SFMBT2: variants seen among roughly 807,000 people sequenced by gnomAD.
SFMBT2 encodes scm-like with four MBT domains protein 2.
A neutral mutation model predicts 110.1 loss-of-function variants in SFMBT2; 38 were observed. That is an observed-to-expected ratio of 0.35 (90% CI 0.27 to 0.45). The LOEUF (loss-of-function observed/expected upper bound fraction) is 0.45. Among genes scored for constraint, SFMBT2 ranks in the 20% least tolerant of loss-of-function variants. The pLI is 1.00. For synonymous variants in SFMBT2, 425 were observed against 425.4 expected (o/e 1.00, Z 0.01); for missense variants, 1,011 against 1,094.9 (o/e 0.92, Z 1.08).
At chr10:7,324,326 T>A (rs527760497) in intron 4 of SFMBT2, among the ~76,000 whole-genome samples, 1 of 152,284 alleles carries the variant, frequency 6.6e-6, no homozygotes, top group East Asian at 1.9e-4. Context: ...AAAATAAAGG[T>A]TTGCTAAACA....
Position 7,172,141 on chromosome 10 carries a change from G to C in SFMBT2, c.2169C>G (p.Asp723Glu), listed in dbSNP as rs149003494. 6.4e-7 allele frequency: 1 copy of C among 1,561,038 alleles called. No individual in the cohort carries two copies. The highest frequency in any genetic ancestry group is 2.0e-5 in the Admixed American group (1 of 50,614). The change falls in exon 19 of 21, where the codon GAC (aspartate) becomes GAG (glutamate). Residue 723 changes from aspartate to glutamate, a missense_variant. Asp to Glu is a conservative substitution (Grantham distance 45, BLOSUM62 2). Around this residue, in one of 2 missense-constraint regions of SFMBT2, gnomAD observed 979 missense variants for 1,016.1 expected, o/e 0.96. Coordinates refer to ENST00000397167, the MANE Select transcript of SFMBT2 (RefSeq NM_001387889.1). The surrounding 1 kb of genome is among the most constrained non-coding windows in gnomAD (Gnocchi z 4.6). ...AGSGEESEEE[D>E]ADAMDDDTAS... ...CGGTGTCATCGTCCATGGCGTCAGCGTCCTCCTCTTCACTTTCCTGGGAAG... is the reference window on the plus strand; with the variant it reads ...CGGTGTCATCGTCCATGGCGTCAGCCTCCTCCTCTTCACTTTCCTGGGAAG...
intron 12 of SFMBT2, chr10:7,204,161 A>G (rs1476036540): frequency 8.9e-6 from 2 of 225,610 alleles, no homozygotes; most frequent in Non-Finnish European, 1.5e-5. Flanking sequence ...AGGATGGTTT[A>G]GGAAAAGGAG....
chr10:7,257,038 G>T (rs1044698345), intron 7 of SFMBT2, among the ~76,000 whole-genome samples: 2 of 142,922 alleles, frequency 1.4e-5, no homozygotes, highest in African/African-American at 2.6e-5. Flanking sequence ...GTTACAGTGA[G>T]CAGAGATCAC....
At chr10:7,215,437 G>T in intron 11 of SFMBT2, 1 of 545,324 alleles carries the variant, frequency 1.8e-6, no homozygotes, top group Non-Finnish European at 2.3e-6. Context: ...TCTTCCAAAT[G>T]TTTCCTATGG....
intron 1 of SFMBT2, among the ~76,000 whole-genome samples, chr10:7,396,745 T>A (rs1241416713): frequency 1.3e-5 from 2 of 151,872 alleles, no homozygotes; most frequent in African/African-American, 2.4e-5. Context: ...ATGTCCTTTG[T>A]AGGGACATGG....
intron 4 of SFMBT2, among the ~76,000 whole-genome samples, chr10:7,312,244 C>T (rs1045581749): frequency 6.6e-6 from 1 of 152,114 alleles, no homozygotes; most frequent in Non-Finnish European, 1.5e-5. Flanking sequence ...AAAAATTGCA[C>T]CACCCTAAGG....
chr10:7,263,986 G>A (rs988417186), intron 7 of SFMBT2: 5 of 222,584 alleles, frequency 2.2e-5, no homozygotes, highest in South Asian at 1.6e-4. Context: ...ACACTGACAG[G>A]TACATCATTG....
chr10:7,270,222 A>T (rs557044265), intron 7 of SFMBT2, among the ~76,000 whole-genome samples: 52 of 152,288 alleles, frequency 3.4e-4, no homozygotes, highest in African/African-American at 1.2e-3. Context: ...GTGGCCACAG[A>T]CCAAGCAAAG....
chr10:7,405,338 C>T (rs753901924), intron 1 of SFMBT2, among the ~76,000 whole-genome samples: 1 of 152,188 alleles, frequency 6.6e-6, no homozygotes, highest in Non-Finnish European at 1.5e-5. Flanking sequence ...TTCCTCATGG[C>T]TTGTATTCAA....
rs1230596140 is a variant in SFMBT2 at position 7,314,980 on chromosome 10, GAA to G, written c.437-29028_437-29027del. 4.9e-3 allele frequency among the ~76,000 whole-genome samples: 719 copies of G among 146,346 alleles called. 6 individuals are homozygous for G. The highest frequency in any genetic ancestry group is 0.017 in the African/African-American group (653 of 39,364). On this transcript the variant is annotated intron_variant, in intron 4 of 20. Coordinates refer to ENST00000397167, the MANE Select transcript of SFMBT2 (RefSeq NM_001387889.1). ...AAGAAAAGAGAGAGAGAGAGAGGGA[GAA>G]AGAGAAAGAAAGAAAGAAAAGAAAG...
chr10:7,219,128 G>C (rs1839639224), intron 11 of SFMBT2, among the ~76,000 whole-genome samples: 1 of 152,140 alleles, frequency 6.6e-6, no homozygotes, highest in Admixed American at 6.5e-5. Flanking sequence ...GTTAAATTTA[G>C]TCATTACAAA....
At chr10:7,185,259 G>A (rs529580277) in intron 16 of SFMBT2, among the ~76,000 whole-genome samples, 21 of 152,290 alleles carry the variant, frequency 1.4e-4, no homozygotes, top group African/African-American at 4.1e-4. Context: ...TGCTTAACGC[G>A]AAGTTCACCT....
chr10:7,360,278 G>A (rs1379191377), intron 4 of SFMBT2, among the ~76,000 whole-genome samples: 3 of 152,128 alleles, frequency 2.0e-5, no homozygotes, highest in Admixed American at 2.0e-4. Context: ...GACTAGCCTG[G>A]GCAACACAGG....
At chr10:7,169,390 G>A (rs1837802340) in intron 20 of SFMBT2, among the ~76,000 whole-genome samples, 1 of 152,160 alleles carries the variant, frequency 6.6e-6, no homozygotes. Context: ...CTCTTTGGGT[G>A]GCACTGGAGA....
intron 4 of SFMBT2, among the ~76,000 whole-genome samples, chr10:7,309,419 A>G (rs1358896751): frequency 3.3e-5 from 5 of 152,198 alleles, no homozygotes; most frequent in Non-Finnish European, 5.9e-5. Context: ...TCACCCGTGA[A>G]AAGTGAAGCT....
chr10:7,198,100 C>T (rs1838836210), intron 14 of SFMBT2: 3 of 985,404 alleles, frequency 3.0e-6, no homozygotes, highest in Non-Finnish European at 3.6e-6. Context: ...TCACCACACA[C>T]AGAAGCATGC....
At chr10:7,180,664 C>T (rs987704565) in intron 16 of SFMBT2, among the ~76,000 whole-genome samples, 3 of 152,188 alleles carry the variant, frequency 2.0e-5, no homozygotes, top group Admixed American at 6.5e-5. Context: ...AGGCATTGGT[C>T]CCAAGGGCCC....
intron 12 of SFMBT2, chr10:7,205,422 T>A (rs1839097260): frequency 1.0e-6 from 1 of 985,226 alleles, no homozygotes; most frequent in African/African-American, 1.7e-5. Flanking sequence ...GTCAGTATAT[T>A]ATTGGAACCA....
In SFMBT2 at chr10:7,312,303, G is replaced by C. The variant is rs955445128; in HGVS notation, c.437-26349C>G. ...TAGTAACGGCATCAACAGGGCTCTA[G>C]AGGTCCGAGGGAGCCGAGGCCACCA... is the stretch of plus-strand genomic sequence containing the variant. On this transcript the variant is annotated intron_variant, in intron 4 of 20. Coordinates refer to ENST00000397167, the MANE Select transcript of SFMBT2 (RefSeq NM_001387889.1). Among the ~76,000 whole-genome samples, 9 of 152,202 alleles carry C rather than the reference G, an allele frequency of 5.9e-5. No homozygotes were observed. The South Asian group carries it at 1.7e-3, about 28-fold the overall frequency.
Sources: gnomAD v4.1 joint callset for allele counts (sites outside exome capture counted in the v4.1 genomes callset) on GRCh38, gnomAD v4.1.1 for gene constraint, gnomAD v4.1.1 regional missense constraint, Gnocchi (gnomAD v3.1) non-coding constraint, MANE v1.5 for transcripts, NCBI Gene and HGNC (gene_info 2026-07-23, HGNC 2026-07-21) for gene names.